Variants in ROCK2 observed in about 807,000 individuals in gnomAD.
ROCK2 encodes the protein Rho associated coiled-coil containing protein kinase 2.
ROCK2 carries 61 observed loss-of-function variants against 195.1 expected under a neutral mutation model. That is an observed-to-expected ratio of 0.31 (90% CI 0.25 to 0.39). ROCK2 has a LOEUF of 0.39. ROCK2 is among the 10% of genes least tolerant of loss of function. The probability of loss-of-function intolerance (pLI) is 1.00; values close to 1 mark genes in which losing one functional copy is unlikely to be tolerated. For synonymous variants in ROCK2, 504 were observed against 545.5 expected, an observed-to-expected ratio of 0.92 and a Z score of 1.06; for missense variants, 1,109 against 1,637.4, an observed-to-expected ratio of 0.68 and a Z score of 5.57.
intron 3 of ROCK2, among the ~76,000 whole-genome samples, chr2:11,268,264 TA>T (rs1205180850): frequency 1.3e-5 from 2 of 152,106 alleles, no homozygotes; most frequent in African/African-American, 4.8e-5. Context: ...GTCAGAAAAT[TA>T]AAAACTTTGA....
At chr2:11,329,853 C>T (rs1189125249) in intron 1 of ROCK2, among the ~76,000 whole-genome samples, 3 of 152,156 alleles carry the variant, frequency 2.0e-5, no homozygotes, top group Non-Finnish European at 4.4e-5. Flanking sequence ...ACAACATAAA[C>T]ATTATCCATA....
chr2:11,227,493 T>A (rs906405149), intron 5 of ROCK2, 95 bp from the exon 6 acceptor site: 29 of 1,172,964 alleles, frequency 2.5e-5, no homozygotes, highest in Non-Finnish European at 3.5e-5. Flanking sequence ...TATACAATGA[T>A]TACATATTGC....
chr2:11,286,848 C>T (rs1043479632), intron 2 of ROCK2, among the ~76,000 whole-genome samples: 1 of 152,126 alleles, frequency 6.6e-6, no homozygotes, highest in Non-Finnish European at 1.5e-5. Context: ...TAAATGAACA[C>T]CACTGACTGC....
intron 1 of ROCK2, among the ~76,000 whole-genome samples, chr2:11,316,158 C>T (rs1668185617): frequency 1.3e-5 from 2 of 151,888 alleles, no homozygotes; most frequent in South Asian, 4.1e-4. Context: ...AAATGGGTAA[C>T]TATTGTAAAG....
chr2:11,254,940 G>A (rs111246476), intron 3 of ROCK2, among the ~76,000 whole-genome samples: 3,422 of 150,424 alleles, frequency 0.023, 60 homozygotes, highest in East Asian at 0.054. Flanking sequence ...CTTGGGGGCC[G>A]GGCGCAGTGG....
intron 3 of ROCK2, among the ~76,000 whole-genome samples, chr2:11,279,591 T>C (rs538561180): frequency 5.7e-4 from 86 of 152,170 alleles, no homozygotes; most frequent in Non-Finnish European, 1.0e-3. Context: ...ACTGGAGACT[T>C]TGACACTGCT....
At chr2:11,327,831 G>A (rs1367445825) in intron 1 of ROCK2, among the ~76,000 whole-genome samples, 1 of 152,166 alleles carries the variant, frequency 6.6e-6, no homozygotes, top group African/African-American at 2.4e-5. Flanking sequence ...CCAAAGCACT[G>A]GGATTAGAGG....
intron 1 of ROCK2, among the ~76,000 whole-genome samples, chr2:11,319,034 G>A (rs1314660784): frequency 6.6e-6 from 1 of 152,200 alleles, no homozygotes; most frequent in Non-Finnish European, 1.5e-5. Flanking sequence ...AAGTCAGGTA[G>A]TGTGATGCCT....
intron 7 of ROCK2, 45 bp downstream of exon 7, chr2:11,224,277 T>A: frequency 6.6e-7 from 1 of 1,524,662 alleles, no homozygotes; most frequent in Middle Eastern, 1.8e-4. Flanking sequence ...TTTCTATAAA[T>A]TTAACATAAA....
At chr2:11,205,179 G>A (rs778038317) in intron 20 of ROCK2, among the ~76,000 whole-genome samples, 9 of 152,174 alleles carry the variant, frequency 5.9e-5, no homozygotes, top group Non-Finnish European at 1.2e-4. Flanking sequence ...AGAATGCTCT[G>A]ATAAAAACCT....
Position 11,214,402 on chromosome 2 carries a change from T to C in ROCK2, c.1998A>G (p.Glu666=). Residue 666 remains glutamate, a synonymous_variant, in exon 17 of 33, where the codon GAA becomes GAG. Coordinates refer to ENST00000315872, the MANE Select transcript of ROCK2 (RefSeq NM_004850.5). The stretch of plus-strand genomic sequence containing the variant: ...TCTCCTGAAGTTGTCTCTTCTCCAG[T>C]TCTACTTTCGCTAGTAAGATTTTGC... ...KNGKILLAKV[E]LEKRQLQERF... is the part of the protein sequence containing the mutation. 1 of 1,610,782 alleles carries C rather than the reference T, an allele frequency of 6.2e-7. No homozygotes were observed. Among genetic ancestry groups the C allele is most frequent in the Non-Finnish European group, 8.5e-7 (1 of 1,177,498 alleles).
At chr2:11,232,414 C>T (rs1353982683) in intron 5 of ROCK2, among the ~76,000 whole-genome samples, 1 of 152,102 alleles carries the variant, frequency 6.6e-6, no homozygotes, top group African/African-American at 2.4e-5. Context: ...CAGGTGTGAG[C>T]CACCACAGCT....
chr2:11,329,326 C>G (rs1240374968), intron 1 of ROCK2, among the ~76,000 whole-genome samples: 15 of 152,008 alleles, frequency 9.9e-5, no homozygotes, highest in Admixed American at 9.8e-4. Context: ...TTTCACAGAT[C>G]TGTTGTAACT....
chr2:11,329,097 A>G (rs1391851195), intron 1 of ROCK2, among the ~76,000 whole-genome samples: 2 of 77,786 alleles, frequency 2.6e-5, no homozygotes, highest in Non-Finnish European at 7.2e-5. Flanking sequence ...CAAAAAAAAG[A>G]AACAAAAAAA....
intron 1 of ROCK2, among the ~76,000 whole-genome samples, chr2:11,301,693 G>A (rs528115111): frequency 2.7e-5 from 4 of 149,928 alleles, no homozygotes; most frequent in South Asian, 2.1e-4. Flanking sequence ...GAGGAGAATC[G>A]CTTGAACCTG....
At chr2:11,227,859 T>C (rs1572271512) in intron 5 of ROCK2, among the ~76,000 whole-genome samples, 1 of 152,070 alleles carries the variant, frequency 6.6e-6, no homozygotes. Flanking sequence ...GAATAAAGAA[T>C]TGGCTCTTGT....
At chr2:11,193,227 T>C (rs1382354053) in intron 30 of ROCK2, among the ~76,000 whole-genome samples, 6 of 152,068 alleles carry the variant, frequency 3.9e-5, no homozygotes, top group African/African-American at 1.4e-4. Flanking sequence ...CAAATAAACA[T>C]GACAAGCATC....
chr2:11,283,943 A>G (rs1440179296), intron 3 of ROCK2, among the ~76,000 whole-genome samples: 1 of 152,240 alleles, frequency 6.6e-6, no homozygotes, highest in Non-Finnish European at 1.5e-5. Flanking sequence ...TTATGTCTAC[A>G]CAAAAGCCTG....
intron 3 of ROCK2, 34 bp from the exon 4 acceptor site, chr2:11,249,832 T>G: frequency 1.4e-6 from 2 of 1,426,800 alleles, no homozygotes; most frequent in Non-Finnish European, 1.8e-6. Context: ...AATTAATACT[T>G]TCATGTTATG....
Sources: allele counts gnomAD v4.1 joint callset (sites outside exome capture counted in the v4.1 genomes callset), GRCh38; gene constraint gnomAD v4.1.1; transcripts MANE v1.5; gene names NCBI Gene and HGNC (gene_info 2026-07-23, HGNC 2026-07-21).